Variants in PADI1 observed in about 807,000 individuals in gnomAD.
The protein encoded by PADI1 is protein-arginine deiminase type-1.
In PADI1, 65 loss-of-function variants were observed where a neutral mutation model predicts 74.8. The ratio of observed to expected loss-of-function variants is 0.87; its 90% CI spans 0.71 to 1.07. The LOEUF (loss-of-function observed/expected upper bound fraction) is 1.07, where lower values mean the gene tolerates loss of function less well. Ranked by LOEUF, PADI1 falls within the 50% of genes least tolerant of loss-of-function variation. The pLI, the probability that PADI1 is intolerant of heterozygous loss-of-function variation, is 0.00. For missense variants in PADI1, 943 were observed against 854.0 expected (o/e 1.10, Z -1.30); for synonymous variants, 371 against 336.2 (o/e 1.10, Z -1.13).
chr1:17,207,290 G>A (rs942825496), intron 1 of PADI1, among the ~76,000 whole-genome samples: 2 of 152,146 alleles, frequency 1.3e-5, no homozygotes, highest in African/African-American at 4.8e-5. Flanking sequence ...CCCATGAGAT[G>A]AGCTGAGTCC....
chr1:17,205,361 A>ACACATTCTCTGCTCCGTCCT, intron 1 of PADI1, 52 bp downstream of exon 1: 1 of 1,432,262 alleles, frequency 7.0e-7, no homozygotes, highest in Non-Finnish European at 9.8e-7. Context: ...TTAGAGTGTA[A>ACACATTCTCTGCTCCGTCCT]GTCAATGGGG....
At chr1:17,231,978 G>A (rs2100493936) in intron 10 of PADI1, among the ~76,000 whole-genome samples, 1 of 152,014 alleles carries the variant, frequency 6.6e-6, no homozygotes, top group Non-Finnish European at 1.5e-5. Context: ...TCACACTGTT[G>A]CCTGGGCTGG....
rs768100569 is a variant in PADI1 at position 17,223,708 on chromosome 1, C to T, written c.346+15C>T. 9 of 1,607,844 alleles carry T rather than the reference C, an allele frequency of 5.6e-6. No individual in the cohort carries two copies. The highest frequency in any genetic ancestry group is 1.1e-5 in the South Asian group (1 of 90,914). On this transcript the variant is annotated intron_variant, in intron 3 of 15. Coordinates refer to ENST00000375471, the MANE Select transcript of PADI1 (RefSeq NM_013358.3). ...CACTGGCGTCGGTAAGTAGCAGCTCCCTGGCTGCCCATCTATCCCTTTGCC... is the reference window on the plus strand; with the variant it reads ...CACTGGCGTCGGTAAGTAGCAGCTCTCTGGCTGCCCATCTATCCCTTTGCC...
At chr1:17,237,520 C>G in intron 12 of PADI1, 62 bp downstream of exon 12, 1 of 1,474,006 alleles carries the variant, frequency 6.8e-7, no homozygotes, top group Non-Finnish European at 9.1e-7. Context: ...TGGGATGAGT[C>G]AGGGCAAAGC....
At chr1:17,236,658 G>T (rs1343819818) in intron 11 of PADI1, among the ~76,000 whole-genome samples, 1 of 152,164 alleles carries the variant, frequency 6.6e-6, no homozygotes, top group African/African-American at 2.4e-5. Context: ...GGAGGCTGAG[G>T]TGGGAGGATC....
intron 10 of PADI1, among the ~76,000 whole-genome samples, chr1:17,232,425 T>C (rs545297335): frequency 2.0e-5 from 3 of 152,290 alleles, no homozygotes; most frequent in Admixed American, 6.5e-5. Context: ...TGTCTAGAGC[T>C]CTGACAACTC....
intron 13 of PADI1, among the ~76,000 whole-genome samples, 168 bp downstream of exon 13, chr1:17,238,877 C>T (rs1220437225): frequency 6.6e-6 from 1 of 152,190 alleles, no homozygotes; most frequent in African/African-American, 2.4e-5. Flanking sequence ...TCCTGGGCCA[C>T]ACCCCAGGAG....
chr1:17,212,908 C>T (rs980102094), intron 1 of PADI1, among the ~76,000 whole-genome samples: 26 of 152,236 alleles, frequency 1.7e-4, no homozygotes, highest in Non-Finnish European at 3.1e-4. Flanking sequence ...TGTGGCTTTC[C>T]TGCCTTGGTG....
chr1:17,230,543 C>T (rs1187422500), intron 9 of PADI1, 29 bp from the exon 10 acceptor site: 19 of 1,491,268 alleles, frequency 1.3e-5, no homozygotes, highest in East Asian at 4.5e-5. Flanking sequence ...AAAAAGGTCA[C>T]TGTGGCTTTT....
intron 11 of PADI1, among the ~76,000 whole-genome samples, chr1:17,234,840 T>G (rs2072589824): frequency 6.6e-6 from 1 of 152,132 alleles, no homozygotes; most frequent in Non-Finnish European, 1.5e-5. Context: ...CCTAGAAGGC[T>G]TCCTAGGGGC....
At chr1:17,240,541 C>G in intron 14 of PADI1, 94 bp from the exon 15 acceptor site, 1 of 1,420,236 alleles carries the variant, frequency 7.0e-7, no homozygotes, top group Admixed American at 1.9e-5. Flanking sequence ...GCTAGCGGGC[C>G]CAGAGGGCTC....
intron 4 of PADI1, among the ~76,000 whole-genome samples, chr1:17,225,013 G>A (rs923946972): frequency 4.6e-5 from 7 of 152,162 alleles, no homozygotes; most frequent in Non-Finnish European, 7.3e-5. Flanking sequence ...GGATGGCTGC[G>A]TGGGTTGTTC....
rs2072840319 is a variant in PADI1, at chr1:17,244,355, C to A, written c.*112C>A. 1 of 817,026 alleles carries A rather than the reference C, an allele frequency of 1.2e-6. No homozygotes were observed. The highest frequency in any genetic ancestry group is 2.1e-6 in the Non-Finnish European group (1 of 475,962). The allele number at this position is 817,026 out of a possible 1,614,324, so 50.6% of individuals were successfully genotyped here. ...CTCTTGGGGGAGTCTTGGCACTTTG[C>A]AAACATCCTGGCCACCATGGGCACC... On this transcript the variant is annotated 3_prime_UTR_variant, in exon 16 of 16. Coordinates refer to ENST00000375471, the MANE Select transcript of PADI1 (RefSeq NM_013358.3).
In PADI1 at chr1:17,237,297, C is replaced by T; in HGVS notation, c.1314-17C>T. The T allele has an allele frequency of 6.3e-7, 1 of 1,593,394 alleles. No homozygotes were observed. The highest frequency in any genetic ancestry group is 1.1e-5 in the South Asian group (1 of 88,880). The stretch of plus-strand genomic sequence containing the variant: ...CTCAGGCACAAGGTGACTGCCCGCC[C>T]TCTCCCTCCTGGCCAGGTCCGGTGG... On this transcript the variant is annotated splice_polypyrimidine_tract_variant and intron_variant, in intron 11 of 15. Transcript: ENST00000375471.
In PADI1 at chr1:17,225,697, C is replaced by A; in HGVS notation, c.409-114C>A. 5 of 754,516 alleles carry A rather than the reference C, an allele frequency of 6.6e-6. No individual in the cohort carries two copies. In the South Asian group the frequency reaches 8.6e-5, roughly 13 times the overall value. 46.7% of individuals were successfully genotyped at this position (754,516 alleles called of 1,614,324 possible). ...ATCCTTTTTAAAATCTTTAAGCAAACTAAAAATATGAAAATCTATAATCTA... is the reference window on the plus strand; with the variant it reads ...ATCCTTTTTAAAATCTTTAAGCAAAATAAAAATATGAAAATCTATAATCTA... On this transcript the variant is annotated intron_variant, in intron 4 of 15. Transcript: ENST00000375471.
chr1:17,219,123 G>A lies in PADI1; in HGVS notation c.93-3167G>A, dbSNP rs188576373. ...GAACCATGGTCAGCCGCGTGGTGCA[G>A]GTGCAGAGGGGGTGGAGAGTTGGAT... On this transcript the variant is annotated intron_variant, in intron 1 of 15. Transcript: ENST00000375471. Among the ~76,000 whole-genome samples the A allele has an allele frequency of 1.8e-3, 271 of 152,342 alleles. 1 individual carries two copies. The highest frequency in any genetic ancestry group is 4.3e-3 in the South Asian group (21 of 4,828).
intron 1 of PADI1, among the ~76,000 whole-genome samples, chr1:17,217,334 G>T (rs533517410): frequency 1.3e-5 from 2 of 152,218 alleles, no homozygotes; most frequent in East Asian, 3.9e-4. Context: ...GGGTCTCCTA[G>T]ACCAGTTCAG....
At chr1:17,230,062 T>A in intron 8 of PADI1, 23 bp from the exon 9 acceptor site, 1 of 1,606,796 alleles carries the variant, frequency 6.2e-7, no homozygotes, top group Non-Finnish European at 8.5e-7. Flanking sequence ...ATTAGCATGC[T>A]CCCCTCTCCC....
At position 17,238,725 on chromosome 1, in the gene PADI1, C is replaced by T. The variant is rs1381374954; in HGVS notation, c.1552+16C>T. The stretch of plus-strand genomic sequence containing the variant: ...CAGTTTGATGGTGAGTGCCAATGAC[C>T]CGGTCACCCCTGGGGGACCCTGCCC... On this transcript the variant is annotated intron_variant, in intron 13 of 15. Transcript: ENST00000375471. 7.2e-7 allele frequency: 1 copy of T among 1,389,700 alleles called. No homozygotes were observed. Among genetic ancestry groups the T allele is most frequent in the South Asian group, 1.4e-5 (1 of 70,250 alleles). 86.1% of individuals were successfully genotyped at this position (1,389,700 alleles called of 1,614,324 possible).
Sources: allele counts gnomAD v4.1 joint callset (sites outside exome capture counted in the v4.1 genomes callset), GRCh38; gene constraint gnomAD v4.1.1; transcripts MANE v1.5; gene names NCBI Gene and HGNC (gene_info 2026-07-23, HGNC 2026-07-21).